The following XPR1 variants were observed in gnomAD, a reference collection of about 807,000 sequenced individuals.
The protein encoded by XPR1 is solute carrier family 53 member 1.
XPR1 carries 28 observed loss-of-function variants against 87.5 expected under a neutral mutation model. That is an observed-to-expected ratio of 0.32 (90% confidence interval 0.24 to 0.44). The LOEUF is 0.44. Ranked by LOEUF, XPR1 falls within the 20% of genes least tolerant of loss-of-function variation. The pLI is 1.00. For missense variants in XPR1, 559 were observed against 862.3 expected, an observed-to-expected ratio of 0.65 and a Z score of 4.41; for synonymous variants, 300 against 306.1, an observed-to-expected ratio of 0.98 and a Z score of 0.21.
At chr1:180,737,244 G>T (rs924288452) in intron 2 of XPR1, among the ~76,000 whole-genome samples, 1 of 152,108 alleles carries the variant, frequency 6.6e-6, no homozygotes, top group African/African-American at 2.4e-5. Context: ...CATGGAATAG[G>T]CTGTTTTCCT....
chr1:180,691,383 A>C (rs1393005561), intron 2 of XPR1, among the ~76,000 whole-genome samples: 4 of 152,106 alleles, frequency 2.6e-5, no homozygotes, highest in Non-Finnish European at 5.9e-5. Context: ...AAATAGACCT[A>C]TTGCTTGATA....
At chr1:180,840,139 C>T (rs964738493) in intron 11 of XPR1, among the ~76,000 whole-genome samples, 2 of 147,506 alleles carry the variant, frequency 1.4e-5, no homozygotes, top group Non-Finnish European at 3.0e-5. Context: ...AGGAGAATGG[C>T]GTGAACCCGG....
At chr1:180,642,752 C>G (rs761432773) in intron 1 of XPR1, among the ~76,000 whole-genome samples, 6 of 152,066 alleles carry the variant, frequency 3.9e-5, no homozygotes, top group Non-Finnish European at 7.4e-5. Flanking sequence ...CTCCTGATCA[C>G]AGTATGTACT....
intron 9 of XPR1, among the ~76,000 whole-genome samples, chr1:180,832,051 A>G (rs915235363): frequency 6.6e-6 from 1 of 152,182 alleles, no homozygotes; most frequent in Non-Finnish European, 1.5e-5. Flanking sequence ...CATCCTCTCC[A>G]GCATCTGTTG....
At chr1:180,705,483 A>T (rs1657525868) in intron 2 of XPR1, among the ~76,000 whole-genome samples, 1 of 152,210 alleles carries the variant, frequency 6.6e-6, no homozygotes, top group African/African-American at 2.4e-5. Context: ...TACATTTCAA[A>T]TTTTCTCTTG....
intron 1 of XPR1, among the ~76,000 whole-genome samples, chr1:180,674,921 C>A (rs564923398): frequency 6.6e-6 from 1 of 152,148 alleles, no homozygotes; most frequent in Non-Finnish European, 1.5e-5. Flanking sequence ...GATTTCATTT[C>A]AGCAAAACAC....
chr1:180,792,861 T>C (rs903687691), intron 3 of XPR1, among the ~76,000 whole-genome samples: 14 of 152,076 alleles, frequency 9.2e-5, no homozygotes, highest in Non-Finnish European at 2.1e-4. Context: ...TTTCTCTTTA[T>C]TCAAAATACT....
At chr1:180,716,892 C>T (rs1474284231) in intron 2 of XPR1, among the ~76,000 whole-genome samples, 1 of 152,210 alleles carries the variant, frequency 6.6e-6, no homozygotes, top group Non-Finnish European at 1.5e-5. Flanking sequence ...TGGAAGTGAA[C>T]CCTCCTTAAA....
chr1:180,704,838 T>TTTTTG (rs1657504631), intron 2 of XPR1, among the ~76,000 whole-genome samples: 2 of 147,314 alleles, frequency 1.4e-5, no homozygotes, highest in Admixed American at 1.4e-4. Flanking sequence ...TTTTTTTTTT[T>TTTTTG]TAAGTAATAA....
chr1:180,724,153 A>G (rs1658262703), intron 2 of XPR1, among the ~76,000 whole-genome samples: 1 of 152,204 alleles, frequency 6.6e-6, no homozygotes. Context: ...CACATGTTCT[A>G]AAAGAAAAGA....
intron 2 of XPR1, among the ~76,000 whole-genome samples, chr1:180,703,627 C>G (rs1311004995): frequency 6.6e-6 from 1 of 152,136 alleles, no homozygotes; most frequent in Non-Finnish European, 1.5e-5. Flanking sequence ...CTCATGCCCC[C>G]AGATTTTTTA....
In XPR1 at chr1:180,749,716, A is replaced by G. The variant is rs115631610; in HGVS notation, c.122-38037A>G. The stretch of plus-strand genomic sequence containing the variant: ...TAAACATTTATTAGCATACTACTAC[A>G]TCTAGCACAGAGTAGGCATTCATTA... On this transcript the variant is annotated intron_variant, in intron 2 of 14. Coordinates refer to ENST00000367590, the MANE Select transcript of XPR1 (RefSeq NM_004736.4). Among the ~76,000 whole-genome samples the G allele has an allele frequency of 3.4e-3, 515 of 151,382 alleles. 4 individuals carry two copies. The highest frequency in any genetic ancestry group is 0.012 in the African/African-American group (506 of 41,200).
At chr1:180,721,957 T>C (rs1262762326) in intron 2 of XPR1, among the ~76,000 whole-genome samples, 1 of 152,136 alleles carries the variant, frequency 6.6e-6, no homozygotes, top group East Asian at 1.9e-4. Flanking sequence ...GTTAAGTTTT[T>C]GGAGAGTCAA....
intron 2 of XPR1, among the ~76,000 whole-genome samples, chr1:180,685,327 G>T (rs1401966857): frequency 6.6e-6 from 1 of 152,170 alleles, no homozygotes; most frequent in African/African-American, 2.4e-5. Flanking sequence ...TGCATCCCAG[G>T]GTTGAAGCCC....
At chr1:180,765,452 T>C (rs947344151) in intron 2 of XPR1, among the ~76,000 whole-genome samples, 1 of 152,224 alleles carries the variant, frequency 6.6e-6, no homozygotes, top group African/African-American at 2.4e-5. Flanking sequence ...ACTAGATCTT[T>C]CTTAGCCTCC....
At position 180,632,149 on chromosome 1, in the gene XPR1, C is replaced by A; in HGVS notation, c.-53C>A. On this transcript the variant is annotated 5_prime_UTR_variant, in exon 1 of 15. Coordinates refer to ENST00000367590, the MANE Select transcript of XPR1 (RefSeq NM_004736.4). ...GGGGAGGAGTCGGAGTCGCTGTTGCCGCCGCCGCCTGTAGCTGCTGGACCC... is the reference window on the plus strand; with the variant it reads ...GGGGAGGAGTCGGAGTCGCTGTTGCAGCCGCCGCCTGTAGCTGCTGGACCC... 6.4e-7 allele frequency: 1 copy of A among 1,566,404 alleles called. No individual in the cohort carries two copies. Among genetic ancestry groups the A allele is most frequent in the East Asian group, 2.4e-5 (1 of 41,958 alleles).
chr1:180,662,051 TGTA>T (rs760675428), intron 1 of XPR1, among the ~76,000 whole-genome samples: 1 of 152,220 alleles, frequency 6.6e-6, no homozygotes, highest in Non-Finnish European at 1.5e-5. Context: ...GAAAAGTTGT[TGTA>T]GTTATTATTT....
At chr1:180,811,913 A>T (rs1228577128) in intron 7 of XPR1, among the ~76,000 whole-genome samples, 1 of 152,188 alleles carries the variant, frequency 6.6e-6, no homozygotes, top group Admixed American at 6.5e-5. Context: ...ATTACTTTGC[A>T]TATAGTGTTA....
intron 2 of XPR1, among the ~76,000 whole-genome samples, chr1:180,755,474 C>G (rs1198867712): frequency 6.6e-6 from 1 of 152,212 alleles, no homozygotes. Flanking sequence ...ACACCTCACA[C>G]ATCTACCAGC....
Sources: allele counts gnomAD v4.1 joint callset (sites outside exome capture counted in the v4.1 genomes callset), GRCh38; gene constraint gnomAD v4.1.1; transcripts MANE v1.5; gene names NCBI Gene and HGNC (gene_info 2026-07-23, HGNC 2026-07-21).